The following PASK variants were observed in gnomAD, a reference collection of about 807,000 sequenced individuals.
PASK encodes PAS domain containing serine/threonine kinase, also known as PAS domain-containing serine/threonine-protein kinase.
Under a neutral mutation model 121.0 loss-of-function variants are expected in PASK, and 110 were observed. The ratio of observed to expected loss-of-function variants is 0.91; its 90% CI spans 0.78 to 1.06. PASK has a LOEUF of 1.06. PASK is among the 50% of genes least tolerant of loss of function. The probability of loss-of-function intolerance (pLI) is 0.00; values close to 1 mark genes in which losing one functional copy is unlikely to be tolerated. For synonymous variants in PASK, 686 were observed against 717.8 expected, an observed-to-expected ratio of 0.96 and a Z score of 0.71; for missense variants, 1,643 against 1,702.3, an observed-to-expected ratio of 0.97 and a Z score of 0.61.
chr2:241,133,340 C>G (rs560396413), intron 8 of PASK: 26 of 424,068 alleles, frequency 6.1e-5, no homozygotes, highest in Non-Finnish European at 8.4e-5. Context: ...AAGTCTCGGC[C>G]ATGGCCCCCC....
chr2:241,136,873 G>A (rs34247524), intron 7 of PASK, 131 bp downstream of exon 7: 75,942 of 819,870 alleles, frequency 0.093, 4,853 homozygotes, highest in African/African-American at 0.26. Context: ...TGGACCCAAG[G>A]TCCTTCCTGG....
chr2:241,133,087 T>C (rs1399676895), intron 8 of PASK, 57 bp from the exon 9 acceptor site: 11 of 1,543,740 alleles, frequency 7.1e-6, no homozygotes, highest in Non-Finnish European at 9.8e-6. Context: ...CTAAAACGAA[T>C]CTGCTCATTC....
chr2:241,139,592 A>G (rs2074828), intron 4 of PASK: 197,659 of 646,642 alleles, frequency 0.31, 33,873 homozygotes, highest in Middle Eastern at 0.41. Context: ...ACTGCAAAAC[A>G]TTAGTGAAGC....
intron 11 of PASK, among the ~76,000 whole-genome samples, chr2:241,123,178 T>C (rs2065697932): frequency 9.7e-6 from 1 of 103,218 alleles, no homozygotes; most frequent in Admixed American, 1.0e-4. Flanking sequence ...TGGCTTCTTT[T>C]TTTTTTTTTT....
chr2:241,140,465 A>C, intron 3 of PASK, 56 bp downstream of exon 3: 1 of 1,248,088 alleles, frequency 8.0e-7, no homozygotes. Flanking sequence ...CCCAGGTTTA[A>C]GGCACAAACC....
At chr2:241,136,972 G>C in intron 7 of PASK, 32 bp downstream of exon 7, 2 of 1,603,942 alleles carry the variant, frequency 1.2e-6, no homozygotes, top group Non-Finnish European at 1.7e-6. Flanking sequence ...TCCTCCCAGG[G>C]AACGGGAGCC....
chr2:241,107,452 G>A lies in PASK; in HGVS notation c.3715C>T (p.Arg1239Cys), dbSNP rs371384286. 22 of 1,613,638 alleles carry A rather than the reference G, an allele frequency of 1.4e-5. No individual in the cohort carries two copies. The highest frequency in any genetic ancestry group is 1.1e-4 in the East Asian group (5 of 44,890). The part of the protein sequence containing the change: ...SGLLQPVPER[R>C]TTLEKLVTDP... Reference sequence around the variant, plus strand: ...GTCACCAGCTTCTCCAAGGTGGTGCGTCTCTCAGGGACTGGCTGCAGCAGC... The same window carrying A: ...GTCACCAGCTTCTCCAAGGTGGTGCATCTCTCAGGGACTGGCTGCAGCAGC... Residue 1239 changes from arginine (R) to cysteine (C), a missense_variant, in exon 17 of 18, where the codon CGC (arginine) becomes TGC (cysteine). Coordinates refer to ENST00000234040, the MANE Select transcript of PASK (RefSeq NM_015148.4).
chr2:241,149,488 A>T, upstream of PASK: 1 of 654,108 alleles, frequency 1.5e-6, no homozygotes. Context: ...TATCCCACCG[A>T]CCAATCGCAC....
In PASK at chr2:241,127,412, A is replaced by T; in HGVS notation, c.1503T>A (p.Gly501=). 1 of 1,614,110 alleles carries T rather than the reference A, an allele frequency of 6.2e-7. No homozygotes were observed. Among genetic ancestry groups the T allele is most frequent in the Non-Finnish European group, 8.5e-7 (1 of 1,179,988 alleles). Residue 501 remains glycine (G), a synonymous_variant, in exon 10 of 18, where the codon GGT becomes GGA. Transcript: ENST00000234040. ...NVPEGSLPVH[G]EQALPKDQQI... ...GCTGGTCCTTGGGCAGCGCCTGTTCACCGTGCACTGGCAGGCTTCCTTCTG... is the reference window on the plus strand; with the variant it reads ...GCTGGTCCTTGGGCAGCGCCTGTTCTCCGTGCACTGGCAGGCTTCCTTCTG...
At position 241,126,186 on chromosome 2, in the gene PASK, C is replaced by T. The variant is rs75080735; in HGVS notation, c.2719+10G>A. On this transcript the variant is annotated intron_variant, in intron 10 of 17. Transcript: ENST00000234040. ...GCACCACACTTCTTCCTATGGGGCCCGGGACATACTCAGCCGTAAGCCATC... is the reference window on the plus strand; with the variant it reads ...GCACCACACTTCTTCCTATGGGGCCTGGGACATACTCAGCCGTAAGCCATC... 0.21 allele frequency: 337,582 copies of T among 1,612,318 alleles called. 36,640 individuals carry two copies. The highest frequency in any genetic ancestry group is 0.29 in the Middle Eastern group (1,761 of 6,026).
chr2:241,139,791 C>A, intron 4 of PASK, 94 bp downstream of exon 4: 1 of 1,219,676 alleles, frequency 8.2e-7, no homozygotes. Context: ...CCACCCAACC[C>A]CCAGCAGAGC....
At chr2:241,131,941 C>A (rs937255422) in intron 9 of PASK, among the ~76,000 whole-genome samples, 1 of 151,112 alleles carries the variant, frequency 6.6e-6, no homozygotes, top group Non-Finnish European at 1.5e-5. Flanking sequence ...GTAGTCTCAG[C>A]TACTCAGGAG....
At chr2:241,113,680 G>A (rs779420266) in intron 14 of PASK, 7 of 974,946 alleles carry the variant, frequency 7.2e-6, no homozygotes, top group Non-Finnish European at 7.3e-6. Context: ...AGTACTGAGA[G>A]ATTAACCACA....
intron 1 of PASK, among the ~76,000 whole-genome samples, chr2:241,146,610 G>A (rs55777737): frequency 0.27 from 40,451 of 152,180 alleles, 6,668 homozygotes; most frequent in Middle Eastern, 0.45. Flanking sequence ...AGCCATATAC[G>A]AGTGGAAAAA....
Position 241,120,369 on chromosome 2 carries a change from T to C in PASK, c.3072+2363A>G, listed in dbSNP as rs935297567. 7.9e-5 allele frequency among the ~76,000 whole-genome samples: 12 copies of C among 152,218 alleles called. No individual in the cohort carries two copies. The Middle Eastern group carries it at 0.01, about 129-fold the overall frequency. ...TCAGCTGGGCCTGGTGGTGTGCACC[T>C]GTGATCCCAGCTACTCAGGAGGCTA... On this transcript the variant is annotated intron_variant, in intron 12 of 17. Transcript: ENST00000234040.
chr2:241,111,346 G>A (rs3815304), intron 15 of PASK, among the ~76,000 whole-genome samples: 11,505 of 152,242 alleles, frequency 0.076, 476 homozygotes, highest in East Asian at 0.12. Context: ...GGGCCAGGAG[G>A]GTCCAAGCAG....
At position 241,139,904 on chromosome 2, in the gene PASK, G is replaced by A. The variant is rs976411724; in HGVS notation, c.581C>T (p.Ala194Val). 8.7e-6 allele frequency: 14 copies of A among 1,613,976 alleles called. No homozygotes were observed. The highest frequency in any genetic ancestry group is 5.0e-5 in the Admixed American group (3 of 60,006). The change falls in exon 4 of 18, where the codon GCG becomes GTG. Residue 194 changes from alanine to valine, a missense_variant. Ala to Val is a moderately conservative substitution (Grantham distance 64). This residue lies in a region of PASK where 1,176 missense variants were observed against 1,162.2 expected (regional missense o/e 1.01). Transcript: ENST00000234040. ...ACTCACCACCGTGCCAAACACCACC[G>A]CAGCGTGGCCGTCGGCCTCCATGTG... ...EEHMEADGHA[A>V]VVFGTVVDII...
Position 241,122,767 on chromosome 2 carries a change from C to G in PASK, c.3037G>C (p.Val1013Leu). 4 of 1,614,190 alleles carry G rather than the reference C, an allele frequency of 2.5e-6. No homozygotes were observed. Among genetic ancestry groups the G allele is most frequent in the Non-Finnish European group, 3.4e-6 (4 of 1,180,022 alleles). The change falls in exon 12 of 18, where the codon GTG (valine) becomes CTG (leucine). Residue 1013 changes from valine to leucine, a missense_variant. Transcript: ENST00000234040. ...SPLGSGAFGF[V>L]WTAVDKEKNK... ...TTTTCCTTGTCCACAGCAGTCCACACGAAGCCGAAGGCCCCACTGCCCAGC... is the reference window on the plus strand; with the variant it reads ...TTTTCCTTGTCCACAGCAGTCCACAGGAAGCCGAAGGCCCCACTGCCCAGC...
chr2:241,110,311 G>A (rs928352118), intron 15 of PASK, among the ~76,000 whole-genome samples: 2 of 152,350 alleles, frequency 1.3e-5, no homozygotes, highest in South Asian at 2.1e-4. Context: ...GGGGAAGAGG[G>A]ACCTAAGGCC....
Sources: gnomAD v4.1 joint callset for allele counts (sites outside exome capture counted in the v4.1 genomes callset) on GRCh38, gnomAD v4.1.1 for gene constraint, gnomAD v4.1.1 regional missense constraint, MANE v1.5 for transcripts, NCBI Gene and HGNC (gene_info 2026-07-23, HGNC 2026-07-21) for gene names.